The following ZPBP variants were observed in gnomAD, a reference collection of about 807,000 sequenced individuals.
ZPBP encodes the protein zona pellucida binding protein, also known as zona pellucida-binding protein 1.
Under a neutral mutation model 44.8 loss-of-function variants are expected in ZPBP, and 26 were observed. The ratio of observed to expected loss-of-function variants is 0.58; its 90% confidence interval spans 0.43 to 0.81. The LOEUF (loss-of-function observed/expected upper bound fraction) is 0.81. ZPBP is among the 30% of genes least tolerant of loss of function. The pLI is 0.00. For missense variants in ZPBP, 409 were observed against 434.0 expected (o/e 0.94, Z 0.51); for synonymous variants, 174 against 153.2 (o/e 1.14, Z -1.00).
chr7:49,995,167 A>C (rs1291073270), intron 6 of ZPBP, among the ~76,000 whole-genome samples: 3 of 152,192 alleles, frequency 2.0e-5, no homozygotes, highest in African/African-American at 7.2e-5. Flanking sequence ...CTTCTCACTC[A>C]ATATCTCCAC....
At chr7:50,031,338 C>T (rs368991572) in intron 4 of ZPBP, 28 bp from the exon 5 acceptor site, 129 of 1,540,296 alleles carry the variant, frequency 8.4e-5, no homozygotes, top group Non-Finnish European at 1.1e-4. Flanking sequence ...GAGAAAGACA[C>T]AAAAATGGTT....
At chr7:50,024,558 T>C (rs180683487) in intron 5 of ZPBP, among the ~76,000 whole-genome samples, 27 of 151,826 alleles carry the variant, frequency 1.8e-4, no homozygotes, top group Non-Finnish European at 3.4e-4. Flanking sequence ...ATATGTTAAG[T>C]GAAATACTAT....
intron 1 of ZPBP, chr7:49,917,970 A>G (rs1793812712): frequency 6.6e-6 from 1 of 152,166 alleles, no homozygotes; most frequent in Non-Finnish European, 1.5e-5. Context: ...TATAATGGAA[A>G]AAAGTGAAAA....
intron 1 of ZPBP, among the ~76,000 whole-genome samples, chr7:49,907,777 G>A (rs1338727550): frequency 2.0e-5 from 3 of 152,208 alleles, no homozygotes; most frequent in African/African-American, 7.2e-5. Flanking sequence ...ATTCAAAGAT[G>A]TTCTGATTGA....
In ZPBP at chr7:50,064,319, C is replaced by T. The variant is rs143719414; in HGVS notation, c.335-6178G>A. On this transcript the variant is annotated intron_variant, in intron 3 of 7. Transcript: ENST00000046087. The stretch of plus-strand genomic sequence containing the variant: ...GGCAAGTGGAGGCAGGGGGAGATCA[C>T]AGGACCACAGGACCGAGGTGAAATC... Among the ~76,000 whole-genome samples, 1,387 of 152,254 alleles carry T rather than the reference C, an allele frequency of 9.1e-3. 19 individuals are homozygous for T. The highest frequency in any genetic ancestry group is 0.03 in the African/African-American group (1,229 of 41,530).
intron 7 of ZPBP, among the ~76,000 whole-genome samples, chr7:49,974,157 T>A (rs1255535241): frequency 2.0e-5 from 3 of 152,176 alleles, no homozygotes; most frequent in African/African-American, 7.2e-5. Context: ...AATGGAGTTA[T>A]TGTTTAATTA....
chr7:49,956,069 T>C (rs1482237686), intron 7 of ZPBP, among the ~76,000 whole-genome samples: 1 of 152,144 alleles, frequency 6.6e-6, no homozygotes, highest in Non-Finnish European at 1.5e-5. Context: ...AATAATTACA[T>C]TGTAAAATAA....
chr7:49,961,377 A>G (rs1356409920), intron 7 of ZPBP, among the ~76,000 whole-genome samples: 2 of 152,206 alleles, frequency 1.3e-5, no homozygotes, highest in South Asian at 4.1e-4. Context: ...TATATACTAC[A>G]TGTCTATTTG....
At chr7:50,080,953 A>ATT (rs1056090911) in intron 3 of ZPBP, among the ~76,000 whole-genome samples, 2 of 151,908 alleles carry the variant, frequency 1.3e-5, no homozygotes, top group African/African-American at 4.8e-5. Flanking sequence ...TCCTAAGAAA[A>ATT]ACACAGACTG....
At chr7:49,855,380 A>G (rs1348031971) in intron 2 of ZPBP, among the ~76,000 whole-genome samples, 1 of 152,022 alleles carries the variant, frequency 6.6e-6, no homozygotes, top group Non-Finnish European at 1.5e-5. Context: ...TAGGTGGTAT[A>G]TTTACATGAC....
At chr7:49,889,833 C>T (rs927440912) in intron 2 of ZPBP, among the ~76,000 whole-genome samples, 12 of 152,002 alleles carry the variant, frequency 7.9e-5, no homozygotes, top group Non-Finnish European at 1.5e-4. Context: ...AAATAGGTGC[C>T]CCAGTATGCC....
chr7:49,953,525 A>G (rs577543242), intron 7 of ZPBP, among the ~76,000 whole-genome samples: 21 of 152,216 alleles, frequency 1.4e-4, no homozygotes, highest in African/African-American at 5.1e-4. Flanking sequence ...AACAAGAACC[A>G]CCTATCAAAT....
At chr7:49,856,291 C>T (rs1790413765) in intron 2 of ZPBP, among the ~76,000 whole-genome samples, 2 of 152,214 alleles carry the variant, frequency 1.3e-5, no homozygotes, top group South Asian at 4.2e-4. Context: ...GGTTCTCAAT[C>T]TATTATCTCA....
At chr7:50,017,806 C>T (rs938418530) in intron 6 of ZPBP, among the ~76,000 whole-genome samples, 3 of 151,908 alleles carry the variant, frequency 2.0e-5, no homozygotes, top group African/African-American at 7.3e-5. Flanking sequence ...AATTTAAATT[C>T]CTTCTAGAAG....
At chr7:49,869,738 T>C (rs1220210333) in intron 2 of ZPBP, among the ~76,000 whole-genome samples, 2 of 152,198 alleles carry the variant, frequency 1.3e-5, no homozygotes, top group African/African-American at 2.4e-5. Flanking sequence ...CTTAAATCTA[T>C]GTCTACACTA....
intron 1 of ZPBP, chr7:49,916,894 C>T (rs936721861): frequency 1.3e-5 from 2 of 152,098 alleles, no homozygotes; most frequent in African/African-American, 4.8e-5. Flanking sequence ...AGCTATTGGC[C>T]ATTTCTGGTG....
chr7:50,083,537 A>G (rs1802477101), intron 2 of ZPBP, among the ~76,000 whole-genome samples: 1 of 152,066 alleles, frequency 6.6e-6, no homozygotes, highest in Admixed American at 6.6e-5. Flanking sequence ...AAGCTTCATA[A>G]ATATCTGAAA....
At chr7:50,011,876 C>T (rs1178221448) in intron 6 of ZPBP, among the ~76,000 whole-genome samples, 1 of 151,642 alleles carries the variant, frequency 6.6e-6, no homozygotes, top group African/African-American at 2.4e-5. Flanking sequence ...GTGGTAAAAC[C>T]CCGTCTCTAC....
chr7:50,076,072 A>T (rs1278959627), intron 3 of ZPBP, among the ~76,000 whole-genome samples: 1 of 151,970 alleles, frequency 6.6e-6, no homozygotes, highest in Non-Finnish European at 1.5e-5. Flanking sequence ...AGTGGGACTT[A>T]TTCCTGTGAT....
Sources: gnomAD v4.1 joint callset for allele counts (sites outside exome capture counted in the v4.1 genomes callset) on GRCh38, gnomAD v4.1.1 for gene constraint, MANE v1.5 for transcripts, NCBI Gene and HGNC (gene_info 2026-07-23, HGNC 2026-07-21) for gene names.